The following DGKI variants were observed in gnomAD, a reference collection of about 807,000 sequenced individuals.
DGKI encodes the protein DAG kinase iota.
DGKI carries 55 observed loss-of-function variants against 147.5 expected under a neutral mutation model. The ratio of observed to expected loss-of-function variants is 0.37; its 90% CI spans 0.30 to 0.47. DGKI has a LOEUF of 0.47. DGKI is among the 20% of genes least tolerant of loss of function. The pLI is 1.00. For missense variants in DGKI, 1,007 were observed against 1,323.8 expected (o/e 0.76, Z 3.71); for synonymous variants, 469 against 477.1 (o/e 0.98, Z 0.22).
chr7:137,778,452 G>C (rs546447854), intron 1 of DGKI, among the ~76,000 whole-genome samples: 36 of 152,232 alleles, frequency 2.4e-4, no homozygotes, highest in African/African-American at 8.7e-4. Flanking sequence ...TTGCTTTTTT[G>C]AAAGATTACT....
intron 26 of DGKI, among the ~76,000 whole-genome samples, chr7:137,465,404 G>A (rs1286201385): frequency 6.6e-6 from 1 of 152,318 alleles, no homozygotes; most frequent in East Asian, 1.9e-4. Flanking sequence ...TTTTACAGAT[G>A]AGAAAATAAG....
intron 28 of DGKI, among the ~76,000 whole-genome samples, chr7:137,422,736 C>T (rs1445325655): frequency 1.3e-5 from 2 of 150,610 alleles, no homozygotes; most frequent in African/African-American, 2.4e-5. Flanking sequence ...TCTCGAGTAG[C>T]TGGGACTACA....
chr7:137,640,947 G>T (rs1206069250), intron 6 of DGKI, among the ~76,000 whole-genome samples: 1 of 152,114 alleles, frequency 6.6e-6, no homozygotes, highest in Non-Finnish European at 1.5e-5. Flanking sequence ...GTTTGGTTAG[G>T]GAACTGATAT....
chr7:137,452,381 C>A (rs1317086483), intron 27 of DGKI, among the ~76,000 whole-genome samples: 2 of 152,158 alleles, frequency 1.3e-5, no homozygotes, highest in Non-Finnish European at 2.9e-5. Flanking sequence ...CCTTCATTTT[C>A]TGGCTACCAT....
chr7:137,763,127 C>G lies in DGKI; in HGVS notation c.402-73125G>C, dbSNP rs550264059. On this transcript the variant is annotated intron_variant, in intron 1 of 32. Coordinates refer to ENST00000614521, the MANE Select transcript of DGKI (RefSeq NM_001321708.2). ...TTCTCTCTGGTTAGGTACTCATTCACTCAAGTGGTATGGTAAGGACTGCAA... is the reference window on the plus strand; with the variant it reads ...TTCTCTCTGGTTAGGTACTCATTCAGTCAAGTGGTATGGTAAGGACTGCAA... Among the ~76,000 whole-genome samples the G allele has an allele frequency of 3.3e-5, 5 of 152,358 alleles. No individual in the cohort carries two copies. In the East Asian group the frequency reaches 5.8e-4, roughly 18 times the overall value.
chr7:137,469,154 T>C (rs147545628), intron 24 of DGKI, among the ~76,000 whole-genome samples: 1 of 152,322 alleles, frequency 6.6e-6, no homozygotes, highest in African/African-American at 2.4e-5. Flanking sequence ...GCAATAATGG[T>C]CTCATAAAAA....
In DGKI at chr7:137,521,400, G is replaced by A. The variant is rs150275384; in HGVS notation, c.2248+466C>T. On this transcript the variant is annotated intron_variant, in intron 21 of 32. Coordinates refer to ENST00000614521, the MANE Select transcript of DGKI (RefSeq NM_001321708.2). Reference sequence around the variant, plus strand: ...ATCACTTTAATATCACAACATTCCCGTAGGCCCTTCTCTGACATTATATAA... The same window carrying A: ...ATCACTTTAATATCACAACATTCCCATAGGCCCTTCTCTGACATTATATAA... 4.6e-5 allele frequency among the ~76,000 whole-genome samples: 7 copies of A among 152,138 alleles called. No homozygotes were observed. In the East Asian group the frequency reaches 5.8e-4, roughly 13 times the overall value.
At chr7:137,758,058 G>A (rs1795743205) in intron 1 of DGKI, among the ~76,000 whole-genome samples, 1 of 152,120 alleles carries the variant, frequency 6.6e-6, no homozygotes, top group Admixed American at 6.5e-5. Flanking sequence ...AGTTTCCTTT[G>A]TGCAAAAGAA....
chr7:137,809,418 T>C (rs976388115), intron 1 of DGKI, among the ~76,000 whole-genome samples: 1 of 152,178 alleles, frequency 6.6e-6, no homozygotes. Flanking sequence ...AGATCTCTAA[T>C]TGGGCAGGAT....
intron 2 of DGKI, 61 bp from the exon 3 acceptor site, chr7:137,678,713 T>G: frequency 6.9e-7 from 1 of 1,457,548 alleles, no homozygotes; most frequent in Non-Finnish European, 9.6e-7. Flanking sequence ...GAAAACTATT[T>G]CAAATTTAGA....
intron 19 of DGKI, among the ~76,000 whole-genome samples, chr7:137,562,491 T>C (rs1818451253): frequency 6.6e-6 from 1 of 152,042 alleles, no homozygotes; most frequent in African/African-American, 2.4e-5. Context: ...GCCAAGATCA[T>C]GCCACTGCAC....
intron 1 of DGKI, among the ~76,000 whole-genome samples, chr7:137,739,266 T>A (rs535736882): frequency 6.6e-6 from 1 of 152,290 alleles, no homozygotes; most frequent in East Asian, 1.9e-4. Flanking sequence ...CGGCACATTT[T>A]TCAACATTCA....
chr7:137,405,580 A>C (rs940666434), intron 30 of DGKI, among the ~76,000 whole-genome samples: 2 of 152,212 alleles, frequency 1.3e-5, no homozygotes, highest in Non-Finnish European at 2.9e-5. Flanking sequence ...TGAATTTTTC[A>C]CAGCTCATGC....
chr7:137,456,265 T>G (rs1814202032), intron 27 of DGKI, among the ~76,000 whole-genome samples: 1 of 152,204 alleles, frequency 6.6e-6, no homozygotes, highest in Non-Finnish European at 1.5e-5. Flanking sequence ...TATTCAAATT[T>G]GAAATATATA....
chr7:137,756,502 G>A lies in DGKI; in HGVS notation c.402-66500C>T, dbSNP rs3800656. On this transcript the variant is annotated intron_variant, in intron 1 of 32. Coordinates refer to ENST00000614521, the MANE Select transcript of DGKI (RefSeq NM_001321708.2). ...TCTTACAATGTGAGAAAGTAAGATC[G>A]GCAAACAAAATCCAATTAAGGAATT... Among the ~76,000 whole-genome samples the A allele has an allele frequency of 2.7e-3, 413 of 152,150 alleles. 18 individuals carry two copies. In the East Asian group the frequency reaches 0.066, roughly 24 times the overall value.
chr7:137,520,919 C>T (rs1048234722), intron 21 of DGKI, among the ~76,000 whole-genome samples: 3 of 152,050 alleles, frequency 2.0e-5, no homozygotes, highest in African/African-American at 7.2e-5. Flanking sequence ...CTATTTTCCT[C>T]TTTTACACAG....
intron 1 of DGKI, among the ~76,000 whole-genome samples, chr7:137,703,809 T>G (rs746183600): frequency 2.0e-5 from 3 of 152,228 alleles, no homozygotes; most frequent in Non-Finnish European, 2.9e-5. Context: ...TAAAAGGTCC[T>G]GTTTTAAATA....
chr7:137,502,820 G>C lies in DGKI; in HGVS notation c.2249-15131C>G, dbSNP rs561658742. On this transcript the variant is annotated intron_variant, in intron 21 of 32. Transcript: ENST00000614521. Reference sequence around the variant, plus strand: ...CTATTCCTACTTTCCATTGAACTTGGGCTGCACATAAGGATGGAGTTTCTA... The same window carrying C: ...CTATTCCTACTTTCCATTGAACTTGCGCTGCACATAAGGATGGAGTTTCTA... Among the ~76,000 whole-genome samples, 4 of 152,128 alleles carry C rather than the reference G, an allele frequency of 2.6e-5. No homozygotes were observed. In the East Asian group the frequency reaches 7.7e-4, roughly 29 times the overall value.
At chr7:137,455,306 T>C (rs1814148057) in intron 27 of DGKI, among the ~76,000 whole-genome samples, 1 of 152,106 alleles carries the variant, frequency 6.6e-6, no homozygotes, top group Non-Finnish European at 1.5e-5. Flanking sequence ...TTCTCAGTTA[T>C]AGATCAGTTC....
Sources: allele counts gnomAD v4.1 joint callset (sites outside exome capture counted in the v4.1 genomes callset), GRCh38; gene constraint gnomAD v4.1.1; transcripts MANE v1.5; gene names NCBI Gene and HGNC (gene_info 2026-07-23, HGNC 2026-07-21).